IGSF11: variants seen among roughly 807,000 people sequenced by gnomAD.
IGSF11 encodes immunoglobulin superfamily member 11.
IGSF11 carries 22 observed loss-of-function variants against 41.0 expected under a neutral mutation model. The observed-to-expected ratio is 0.54, with a 90% CI of 0.38 to 0.77. IGSF11 has a LOEUF of 0.77. Among genes scored for constraint, IGSF11 ranks in the 30% least tolerant of loss-of-function variants. The pLI is 0.00. For synonymous variants in IGSF11, 219 were observed against 201.3 expected (o/e 1.09, Z -0.74); for missense variants, 444 against 530.8 (o/e 0.84, Z 1.61).
intron 1 of IGSF11, among the ~76,000 whole-genome samples, chr3:119,017,776 CTTTTTTT>C (rs567222914): frequency 1.1e-4 from 11 of 100,258 alleles, no homozygotes; most frequent in South Asian, 3.3e-4. Context: ...GTTTGTTTTA[CTTTTTTT>C]TTTTTTTTTT....
At chr3:119,138,572 C>A (rs2077595522) in intron 1 of IGSF11, among the ~76,000 whole-genome samples, 1 of 152,162 alleles carries the variant, frequency 6.6e-6, no homozygotes, top group Admixed American at 6.5e-5. Context: ...GTAATCCCAG[C>A]TACTTGGGAG....
At chr3:119,046,110 G>A (rs2107753265) in intron 1 of IGSF11, among the ~76,000 whole-genome samples, 2 of 151,476 alleles carry the variant, frequency 1.3e-5, no homozygotes, top group Middle Eastern at 6.8e-3. Flanking sequence ...AAGGAACGCA[G>A]CTCCTCACCA....
At chr3:119,030,461 C>T (rs1246604524) in intron 1 of IGSF11, among the ~76,000 whole-genome samples, 2 of 152,064 alleles carry the variant, frequency 1.3e-5, no homozygotes, top group African/African-American at 4.8e-5. Flanking sequence ...CAATTTAAAA[C>T]CATTACAAAT....
At chr3:119,121,377 A>G (rs2077331823) in intron 1 of IGSF11, among the ~76,000 whole-genome samples, 2 of 152,226 alleles carry the variant, frequency 1.3e-5, no homozygotes, top group Admixed American at 6.5e-5. Context: ...AATTATTAAC[A>G]GGAACCAAAT....
At chr3:119,126,661 A>C (rs774872136) in intron 1 of IGSF11, among the ~76,000 whole-genome samples, 7 of 152,182 alleles carry the variant, frequency 4.6e-5, no homozygotes, top group Non-Finnish European at 8.8e-5. Flanking sequence ...TCCCAGAAGA[A>C]GGAGGAGGCA....
intron 1 of IGSF11, among the ~76,000 whole-genome samples, chr3:118,993,794 T>C (rs1936015804): frequency 6.6e-6 from 1 of 152,154 alleles, no homozygotes; most frequent in African/African-American, 2.4e-5. Context: ...ATAAGAAATG[T>C]TCAGAAAAGG....
intron 1 of IGSF11, among the ~76,000 whole-genome samples, chr3:119,069,190 A>T (rs1942326762): frequency 6.6e-6 from 1 of 152,018 alleles, no homozygotes; most frequent in African/African-American, 2.4e-5. Context: ...AGCCTCCCAA[A>T]GTGCTGAGAT....
At chr3:118,988,022 G>T (rs1290644073) in intron 1 of IGSF11, among the ~76,000 whole-genome samples, 3 of 152,134 alleles carry the variant, frequency 2.0e-5, no homozygotes, top group African/African-American at 2.4e-5. Context: ...CTGATAGGCA[G>T]ACTGCTAAAC....
chr3:119,110,917 C>T (rs1247031593), intron 1 of IGSF11, among the ~76,000 whole-genome samples: 1 of 151,682 alleles, frequency 6.6e-6, no homozygotes, highest in South Asian at 2.1e-4. Context: ...TGAATATTGG[C>T]CCCCACTCTC....
At chr3:119,096,558 T>C (rs536428004) in intron 1 of IGSF11, among the ~76,000 whole-genome samples, 1 of 152,300 alleles carries the variant, frequency 6.6e-6, no homozygotes, top group Admixed American at 6.5e-5. Flanking sequence ...CTCTGAATCT[T>C]CTTGCAGATT....
chr3:118,980,148 T>C lies in IGSF11; in HGVS notation c.53-49873A>G, dbSNP rs116877637. On this transcript the variant is annotated intron_variant, in intron 1 of 6. Transcript: ENST00000393775. ...ACAACAACCACAAACAGAACTACCA[T>C]ACAATCCAGCAATCCCACTACCAGG... Among the ~76,000 whole-genome samples, 452 of 152,212 alleles carry C rather than the reference T, an allele frequency of 3.0e-3. 17 individuals carry two copies. In the East Asian group the frequency reaches 0.084, roughly 28 times the overall value.
chr3:118,949,323 GGA>G (rs1491478470), intron 1 of IGSF11: 1 of 39,246 alleles, frequency 2.5e-5, no homozygotes, highest in Non-Finnish European at 4.3e-5. Context: ...AGCCACCTGA[GGA>G]AAAAAAAAAA....
intron 1 of IGSF11, among the ~76,000 whole-genome samples, chr3:119,076,919 G>A (rs568866792): frequency 1.3e-5 from 2 of 152,260 alleles, no homozygotes; most frequent in African/African-American, 4.8e-5. Context: ...CCATTACTGG[G>A]TATATACCCA....
intron 1 of IGSF11, among the ~76,000 whole-genome samples, chr3:118,940,223 T>C (rs537912001): frequency 2.0e-5 from 3 of 152,138 alleles, no homozygotes; most frequent in East Asian, 1.9e-4. Flanking sequence ...GACATATAGA[T>C]TGAAAATTTC....
At chr3:118,903,536 G>A (rs1419702052) in intron 6 of IGSF11, among the ~76,000 whole-genome samples, 2 of 152,136 alleles carry the variant, frequency 1.3e-5, no homozygotes, top group Non-Finnish European at 2.9e-5. Flanking sequence ...ACCCTTTGGA[G>A]TTTGAGAAAT....
intron 1 of IGSF11, among the ~76,000 whole-genome samples, chr3:119,047,275 T>G (rs889251695): frequency 6.6e-6 from 1 of 152,020 alleles, no homozygotes; most frequent in African/African-American, 2.4e-5. Context: ...AGACACACAT[T>G]GGCTCAAAAT....
intron 1 of IGSF11, among the ~76,000 whole-genome samples, chr3:119,130,784 C>A (rs2077471111): frequency 6.6e-6 from 1 of 152,158 alleles, no homozygotes; most frequent in East Asian, 1.9e-4. Context: ...CCAGTAGGGG[C>A]CAAAAGACAC....
At chr3:119,008,972 T>A (rs1487244156) in intron 1 of IGSF11, among the ~76,000 whole-genome samples, 1 of 152,160 alleles carries the variant, frequency 6.6e-6, no homozygotes, top group African/African-American at 2.4e-5. Flanking sequence ...AGAGTCAAAC[T>A]AGGATACTGC....
At chr3:119,052,393 T>A (rs552119316) in intron 1 of IGSF11, among the ~76,000 whole-genome samples, 1 of 133,638 alleles carries the variant, frequency 7.5e-6, no homozygotes, top group Admixed American at 8.5e-5. Context: ...GACAGGAGAA[T>A]CACATCTGTC....
Sources: gnomAD v4.1 joint callset for allele counts (sites outside exome capture counted in the v4.1 genomes callset) on GRCh38, gnomAD v4.1.1 for gene constraint, MANE v1.5 for transcripts, NCBI Gene and HGNC (gene_info 2026-07-23, HGNC 2026-07-21) for gene names.